STAG2: variants seen among roughly 807,000 people sequenced by gnomAD.
STAG2 encodes the protein cohesin subunit SA-2.
In STAG2, 14 loss-of-function variants were observed where a neutral mutation model predicts 108.1. That is an observed-to-expected ratio of 0.13 (90% CI 0.09 to 0.20). The LOEUF (loss-of-function observed/expected upper bound fraction) is 0.20, where lower values mean the gene tolerates loss of function less well. STAG2 is among the 10% of genes least tolerant of loss of function. The probability of loss-of-function intolerance (pLI) is 1.00; values close to 1 mark genes in which losing one functional copy is unlikely to be tolerated. For synonymous variants in STAG2, 307 were observed against 302.7 expected (o/e 1.01, Z -0.15); for missense variants, 440 against 940.9 (o/e 0.47, Z 6.96).
intron 6 of STAG2, among the ~76,000 whole-genome samples, chrX:124,039,628 GTTTC>G (rs1229829558): frequency 2.2e-5 from 2 of 91,384 alleles, no homozygotes; most frequent in African/African-American, 7.6e-5. Context: ...TTTGGCATGA[GTTTC>G]TTTCTTTCTT....
In STAG2 at chrX:124,084,583, G is replaced by T. The variant is rs376946677; in HGVS notation, c.3053+1034G>T. Among the ~76,000 whole-genome samples the T allele has an allele frequency of 2.7e-5, 3 of 111,479 alleles. No homozygotes were observed. The East Asian group carries it at 8.5e-4, about 32-fold the overall frequency. On this transcript the variant is annotated intron_variant, in intron 29 of 34. Transcript: ENST00000371145. ...TCTGTCCACCTTGGCCTCGCAAAGT[G>T]CTGGGATTACAGACGTGAACCACTG...
intron 1 of STAG2, among the ~76,000 whole-genome samples, chrX:124,019,072 T>A (rs2056833921): frequency 9.8e-6 from 1 of 101,800 alleles, no homozygotes; most frequent in Non-Finnish European, 2.0e-5. Context: ...TTTTTTTTTT[T>A]TTATTTAAGA....
At chrX:124,047,988 C>T (rs980977878) in intron 9 of STAG2, among the ~76,000 whole-genome samples, 13 of 112,071 alleles carry the variant, frequency 1.2e-4, no homozygotes, top group African/African-American at 4.2e-4. Context: ...CAGCCTTATG[C>T]GAAATAACAG....
At chrX:123,994,420 GACAA>G in intron 1 of STAG2, among the ~76,000 whole-genome samples, 1 of 111,503 alleles carries the variant, frequency 9.0e-6, no homozygotes, top group Non-Finnish European at 1.9e-5. Flanking sequence ...TTTTGGTGGG[GACAA>G]ACAAACCATA....
chrX:124,002,811 TC>T (rs1218235233), intron 1 of STAG2, among the ~76,000 whole-genome samples: 217 of 102,095 alleles, frequency 2.1e-3, no homozygotes, highest in African/African-American at 6.8e-3. Flanking sequence ...TTTCTTTCTT[TC>T]TTTTTTTTTT....
chrX:124,050,526 A>T (rs1267605814), intron 11 of STAG2, among the ~76,000 whole-genome samples: 1 of 111,615 alleles, frequency 9.0e-6, no homozygotes. Flanking sequence ...ATTAATGGTG[A>T]ATCATTTTTT....
intron 1 of STAG2, among the ~76,000 whole-genome samples, chrX:124,008,511 C>G (rs771769298): frequency 9.0e-6 from 1 of 111,123 alleles, no homozygotes; most frequent in South Asian, 3.9e-4. Context: ...CCGTGCCCAG[C>G]CCTATTATTA....
chrX:124,052,770 G>A (rs1024893650), intron 13 of STAG2, among the ~76,000 whole-genome samples: 28 of 109,103 alleles, frequency 2.6e-4, no homozygotes, highest in Non-Finnish European at 7.6e-5. Context: ...TACAAAGGTT[G>A]CACTGTTTCA....
intron 4 of STAG2, among the ~76,000 whole-genome samples, chrX:124,027,650 C>G (rs1262356211): frequency 9.0e-6 from 1 of 111,517 alleles, no homozygotes; most frequent in East Asian, 2.8e-4. Context: ...TGAGACTATA[C>G]TATGTATGTT....
intron 1 of STAG2, among the ~76,000 whole-genome samples, chrX:123,964,597 T>C (rs778730977): frequency 1.8e-5 from 2 of 111,245 alleles, no homozygotes; most frequent in East Asian, 5.6e-4. Context: ...GAATTTGGTG[T>C]TTAATGACTA....
intron 1 of STAG2, among the ~76,000 whole-genome samples, chrX:123,964,222 G>A (rs564974567): frequency 9.4e-6 from 1 of 106,121 alleles, no homozygotes; most frequent in African/African-American, 3.4e-5. Flanking sequence ...CCTTGTGTAA[G>A]TGATTACACA....
At chrX:124,020,082 G>A (rs757141550) in intron 1 of STAG2, among the ~76,000 whole-genome samples, 3 of 112,842 alleles carry the variant, frequency 2.7e-5, no homozygotes, top group South Asian at 3.6e-4. Context: ...CCTATGCTTT[G>A]CAAAATAATT....
intron 1 of STAG2, among the ~76,000 whole-genome samples, chrX:123,996,989 T>C (rs1265465846): frequency 8.9e-6 from 1 of 112,589 alleles, no homozygotes; most frequent in Non-Finnish European, 1.9e-5. Context: ...GCACCATTTG[T>C]TGAAAAGACT....
intron 7 of STAG2, 133 bp downstream of exon 7, chrX:124,042,778 G>A (rs1387399256): frequency 6.5e-6 from 3 of 461,175 alleles, no homozygotes; most frequent in African/African-American, 2.4e-5. Context: ...TTCAGAGGCC[G>A]AGGCAGGCGG....
At chrX:123,960,602 CAAAAAAAAAAAAAAAAAAA>C (rs1208693829), upstream of STAG2, 4 of 7,012 alleles carry the variant, frequency 5.7e-4, no homozygotes, top group African/African-American at 5.4e-4. Context: ...GAAGCGCCAC[CAAAAAAAAAAAAAAAAAAA>C]AAAAAAAAAA....
intron 1 of STAG2, among the ~76,000 whole-genome samples, chrX:124,020,215 T>A (rs2056879233): frequency 1.8e-5 from 2 of 112,368 alleles, no homozygotes; most frequent in African/African-American, 6.5e-5. Context: ...TGATGCATTC[T>A]TTATATTCAT....
Position 124,037,476 on chromosome X carries a change from T to C in STAG2, c.289-51T>C, listed in dbSNP as rs1340134511. 4.7e-6 allele frequency: 4 copies of C among 853,034 alleles called. No homozygotes were observed. The African/African-American group carries it at 8.2e-5, about 17-fold the overall frequency. 70.3% of individuals were successfully genotyped at this position (853,034 alleles called of 1,213,427 possible). On this transcript the variant is annotated intron_variant, in intron 5 of 34. Transcript: ENST00000371145. ...ATGACTTTATCAGACTTAATTGATTTTGAGAAAATTAGAAGAAGCTAATGA... is the reference window on the plus strand; with the variant it reads ...ATGACTTTATCAGACTTAATTGATTCTGAGAAAATTAGAAGAAGCTAATGA...
chrX:123,963,713 G>T (rs750583546), intron 1 of STAG2, among the ~76,000 whole-genome samples: 1 of 110,067 alleles, frequency 9.1e-6, no homozygotes, highest in African/African-American at 3.3e-5. Context: ...GTCTTTTTAG[G>T]TATAATTTTA....
At chrX:124,097,179 CA>C (rs56942682) in intron 34 of STAG2, among the ~76,000 whole-genome samples, 102 of 38,177 alleles carry the variant, frequency 2.7e-3, no homozygotes, top group Middle Eastern at 0.034. Flanking sequence ...GACCCTGTCT[CA>C]AAAAAAAAAA....
Sources: allele counts gnomAD v4.1 joint callset (sites outside exome capture counted in the v4.1 genomes callset), GRCh38; gene constraint gnomAD v4.1.1; transcripts MANE v1.5; gene names NCBI Gene and HGNC (gene_info 2026-07-23, HGNC 2026-07-21).